Variants in CCDC102B observed in about 807,000 individuals in gnomAD.
The protein encoded by CCDC102B is coiled-coil domain-containing protein 102B.
CCDC102B carries 75 observed loss-of-function variants against 57.4 expected under a neutral mutation model. That is an observed-to-expected ratio of 1.31 (90% confidence interval 1.08 to 1.58). The LOEUF (loss-of-function observed/expected upper bound fraction) is 1.58, where lower values mean the gene tolerates loss of function less well. Ranked by LOEUF, CCDC102B falls within the 40% of genes most tolerant of loss-of-function variation. The pLI is 0.00. For synonymous variants in CCDC102B, 206 were observed against 201.9 expected (o/e 1.02, Z -0.17); for missense variants, 636 against 582.6 (o/e 1.09, Z -0.94).
intron 2 of CCDC102B, among the ~76,000 whole-genome samples, chr18:68,768,947 G>A (rs1178292464): frequency 6.6e-6 from 1 of 151,990 alleles, no homozygotes; most frequent in African/African-American, 2.4e-5. Flanking sequence ...TAGCAAGGAA[G>A]GTGAAATGTA....
downstream of CCDC102B, among the ~76,000 whole-genome samples, chr18:69,058,087 C>T (rs1014224943): frequency 6.6e-6 from 1 of 151,948 alleles, no homozygotes; most frequent in South Asian, 2.1e-4. Context: ...TAAGTGAGAA[C>T]AGGTGGTATT....
In CCDC102B at chr18:68,897,776, T is replaced by G. The variant is rs976901046; in HGVS notation, c.1263+348T>G. The G allele has an allele frequency of 7.7e-6, 4 of 522,230 alleles. No homozygotes were observed. In the African/African-American group the frequency reaches 8.0e-5, roughly 10 times the overall value. 32.3% of individuals were successfully genotyped at this position (522,230 alleles called of 1,614,324 possible). On this transcript the variant is annotated intron_variant, in intron 6 of 7. Transcript: ENST00000360242. ...GATCTTATTTCCAATAAAGATTTTT[T>G]CATTAATTCAAGCGACTATACAATA...
At chr18:68,746,490 A>AAATGACAAAG (rs1341091296) in intron 2 of CCDC102B, among the ~76,000 whole-genome samples, 1 of 152,134 alleles carries the variant, frequency 6.6e-6, no homozygotes, top group African/African-American at 2.4e-5. Context: ...ATTGCACAAA[A>AAATGACAAAG]AATGACAAAG....
chr18:68,832,060 A>G (rs1015450750), intron 1 of CCDC102B, among the ~76,000 whole-genome samples: 6 of 152,156 alleles, frequency 3.9e-5, no homozygotes, highest in Non-Finnish European at 7.4e-5. Flanking sequence ...TTCTCACTGC[A>G]AATGGCTTTT....
chr18:68,887,792 T>G (rs554411131), intron 5 of CCDC102B, among the ~76,000 whole-genome samples: 3 of 152,316 alleles, frequency 2.0e-5, no homozygotes, highest in East Asian at 3.9e-4. Flanking sequence ...CAATACATAT[T>G]TATAGTGTAC....
intron 1 of CCDC102B, among the ~76,000 whole-genome samples, chr18:68,832,901 CA>C (rs1034869056): frequency 5.9e-5 from 9 of 151,880 alleles, no homozygotes; most frequent in Non-Finnish European, 8.8e-5. Context: ...GATGGAGTGA[CA>C]AAGAGGAAGC....
At chr18:68,984,794 C>T (rs987055871) in intron 6 of CCDC102B, among the ~76,000 whole-genome samples, 6 of 152,172 alleles carry the variant, frequency 3.9e-5, no homozygotes, top group African/African-American at 1.4e-4. Flanking sequence ...TATATATCAT[C>T]ATATTAAAAT....
rs1599437346 is a variant in CCDC102B, at chr18:68,771,771, A to C, written c.-66-51595A>C. Among the ~76,000 whole-genome samples, 3 of 152,186 alleles carry C rather than the reference A, an allele frequency of 2.0e-5. No homozygotes were observed. The South Asian group carries it at 6.2e-4, about 32-fold the overall frequency. On this transcript the variant is annotated intron_variant, in intron 2 of 3. Transcript: ENST00000578970. ...GGAAAAATAAGAGCTTTCAGCCATC[A>C]GTGAAAGTAGGGGTTAAAATCAAGG...
At chr18:68,956,702 A>G (rs1409082356) in intron 6 of CCDC102B, among the ~76,000 whole-genome samples, 1 of 144,954 alleles carries the variant, frequency 6.9e-6, no homozygotes, top group Non-Finnish European at 1.5e-5. Flanking sequence ...GGAACCTCCA[A>G]ACTATTCTCT....
At chr18:69,029,226 G>A (rs1433091259) in intron 7 of CCDC102B, among the ~76,000 whole-genome samples, 1 of 152,086 alleles carries the variant, frequency 6.6e-6, no homozygotes, top group Non-Finnish European at 1.5e-5. Context: ...TTATAGACAT[G>A]TATTATCTCT....
intron 1 of CCDC102B, among the ~76,000 whole-genome samples, chr18:68,836,365 C>T (rs2037365271): frequency 6.6e-6 from 1 of 152,092 alleles, no homozygotes; most frequent in East Asian, 1.9e-4. Context: ...CATGGTGGCT[C>T]ACGCCTGTAA....
At chr18:68,829,554 C>T (rs1165132613) in intron 1 of CCDC102B, among the ~76,000 whole-genome samples, 1 of 152,014 alleles carries the variant, frequency 6.6e-6, no homozygotes, top group African/African-American at 2.4e-5. Context: ...ACTCTTCAAA[C>T]TTCGTGAAGT....
At chr18:68,839,067 G>T in intron 3 of CCDC102B, 141 bp downstream of exon 3, 1 of 726,500 alleles carries the variant, frequency 1.4e-6, no homozygotes, top group Non-Finnish European at 2.3e-6. Flanking sequence ...AAATTAGTTT[G>T]ATATATATTC....
intron 6 of CCDC102B, among the ~76,000 whole-genome samples, chr18:68,954,976 C>T (rs1242879205): frequency 6.6e-6 from 1 of 152,186 alleles, no homozygotes; most frequent in Non-Finnish European, 1.5e-5. Flanking sequence ...ACAGGAAGTG[C>T]TGATCTATGG....
chr18:68,876,532 A>G (rs1477269382), intron 5 of CCDC102B, among the ~76,000 whole-genome samples: 3 of 152,152 alleles, frequency 2.0e-5, no homozygotes, highest in Non-Finnish European at 4.4e-5. Context: ...ATTTTTAGAG[A>G]TTGTCACAGT....
At chr18:68,988,881 G>A (rs747952443) in intron 6 of CCDC102B, among the ~76,000 whole-genome samples, 8 of 152,152 alleles carry the variant, frequency 5.3e-5, no homozygotes, top group Non-Finnish European at 1.0e-4. Flanking sequence ...GGTAACTAAC[G>A]TCACAATGTA....
intron 7 of CCDC102B, among the ~76,000 whole-genome samples, chr18:69,028,184 A>C (rs1000976835): frequency 6.6e-6 from 1 of 152,196 alleles, no homozygotes; most frequent in African/African-American, 2.4e-5. Flanking sequence ...GCTGCTTGGA[A>C]TAAAATTAAG....
At chr18:68,921,019 C>T (rs1202260691) in intron 6 of CCDC102B, among the ~76,000 whole-genome samples, 3 of 152,136 alleles carry the variant, frequency 2.0e-5, no homozygotes, top group African/African-American at 7.2e-5. Context: ...TCCAAATGTT[C>T]TCCTCATCCA....
At chr18:68,750,699 C>A (rs2033810533) in intron 2 of CCDC102B, among the ~76,000 whole-genome samples, 1 of 147,554 alleles carries the variant, frequency 6.8e-6, no homozygotes, top group Admixed American at 7.0e-5. Context: ...ATCACAAGGA[C>A]AAAAAAACCG....
Sources: gnomAD v4.1 joint callset for allele counts (sites outside exome capture counted in the v4.1 genomes callset) on GRCh38, gnomAD v4.1.1 for gene constraint, MANE v1.5 for transcripts, NCBI Gene and HGNC (gene_info 2026-07-23, HGNC 2026-07-21) for gene names.